Variants in PRSS23 observed in about 807,000 individuals in gnomAD.
The protein encoded by PRSS23 is protease, serine 23.
Under a neutral mutation model 34.7 loss-of-function variants are expected in PRSS23, and 25 were observed. That is an observed-to-expected ratio of 0.72 (90% CI 0.53 to 1.01). The LOEUF (loss-of-function observed/expected upper bound fraction) is 1.01. PRSS23 is among the 50% of genes least tolerant of loss of function. PRSS23 has a pLI of 0.00. For synonymous variants in PRSS23, 176 were observed against 186.6 expected (o/e 0.94, Z 0.46); for missense variants, 445 against 475.6 (o/e 0.94, Z 0.60).
At chr11:86,950,160 A>C (rs1157413145) in intron 2 of PRSS23, 3 of 152,686 alleles carry the variant, frequency 2.0e-5, no homozygotes, top group Non-Finnish European at 4.4e-5. Flanking sequence ...AAAGTTGCCA[A>C]GAAACTTAAC....
At chr11:86,807,599 C>G in intron 1 of PRSS23, 32 bp from the exon 2 acceptor site, 1 of 1,531,488 alleles carries the variant, frequency 6.5e-7, no homozygotes, top group Non-Finnish European at 8.8e-7. Flanking sequence ...TCAGCCCTTG[C>G]CCTCCTGACC....
At chr11:86,905,329 A>C (rs1208712523) in intron 2 of PRSS23, among the ~76,000 whole-genome samples, 1 of 152,198 alleles carries the variant, frequency 6.6e-6, no homozygotes, top group African/African-American at 2.4e-5. Context: ...TATGGGTTTT[A>C]AGCATGATAA....
intron 2 of PRSS23, among the ~76,000 whole-genome samples, chr11:86,893,897 TG>T (rs1948857887): frequency 6.6e-6 from 1 of 152,228 alleles, no homozygotes; most frequent in African/African-American, 2.4e-5. Flanking sequence ...TCAGGAATAC[TG>T]AAGTGAATTT....
upstream of PRSS23, among the ~76,000 whole-genome samples, chr11:86,799,315 C>T (rs1948003565): frequency 1.3e-5 from 2 of 152,198 alleles, no homozygotes; most frequent in African/African-American, 4.8e-5. Context: ...TAATTGCAAA[C>T]ACCAACGTAT....
At chr11:86,848,051 G>A (rs745445457) in intron 2 of PRSS23, among the ~76,000 whole-genome samples, 17 of 152,170 alleles carry the variant, frequency 1.1e-4, no homozygotes, top group South Asian at 2.1e-4. Context: ...CCAGGCACCC[G>A]AACTATGTCC....
At chr11:86,915,706 AT>A (rs1186575337) in intron 2 of PRSS23, among the ~76,000 whole-genome samples, 1 of 151,962 alleles carries the variant, frequency 6.6e-6, no homozygotes, top group Non-Finnish European at 1.5e-5. Context: ...GACCAACTAA[AT>A]TATAGAGCAA....
At chr11:86,896,798 A>G (rs983827841) in intron 2 of PRSS23, among the ~76,000 whole-genome samples, 18 of 152,368 alleles carry the variant, frequency 1.2e-4, no homozygotes, top group East Asian at 7.7e-4. Context: ...CAAAAGCCCA[A>G]TGGCTCAGAG....
intron 1 of PRSS23, among the ~76,000 whole-genome samples, chr11:86,805,098 G>A (rs75595128): frequency 0.013 from 1,996 of 152,252 alleles, 51 homozygotes; most frequent in African/African-American, 0.045. Context: ...AGAATGGTGC[G>A]TTGAAGCCCA....
At chr11:86,883,401 C>T (rs1341091156) in intron 2 of PRSS23, among the ~76,000 whole-genome samples, 1 of 152,182 alleles carries the variant, frequency 6.6e-6, no homozygotes, top group African/African-American at 2.4e-5. Context: ...GGAAAGGATT[C>T]CCTATTCAGT....
intron 1 of PRSS23, chr11:86,821,315 T>A: frequency 1.6e-6 from 1 of 643,336 alleles, no homozygotes; most frequent in Non-Finnish European, 2.6e-6. Context: ...ATGATGAAAA[T>A]AAACATGTGA....
At chr11:86,842,239 A>G (rs535171907) in intron 2 of PRSS23, among the ~76,000 whole-genome samples, 3 of 152,244 alleles carry the variant, frequency 2.0e-5, no homozygotes, top group South Asian at 2.1e-4. Context: ...ACAGACCTTC[A>G]TGCTAAAAAC....
chr11:86,865,258 A>G (rs61906690), intron 2 of PRSS23, among the ~76,000 whole-genome samples: 19,420 of 152,246 alleles, frequency 0.13, 1,458 homozygotes, highest in East Asian at 0.2. Flanking sequence ...CAGTTCTACT[A>G]TATGTGGTCT....
At chr11:86,821,541 T>C in intron 1 of PRSS23, 5 of 1,611,150 alleles carry the variant, frequency 3.1e-6, no homozygotes, top group East Asian at 2.2e-5. Flanking sequence ...TGAGTGCAAG[T>C]ATCTGGATGG....
chr11:86,925,295 AGTGTGTGTGTGTGT>A (rs5793226), intron 2 of PRSS23, among the ~76,000 whole-genome samples: 1 of 148,996 alleles, frequency 6.7e-6, no homozygotes, highest in African/African-American at 2.5e-5. Context: ...GTTTAACTGG[AGTGTGTGTGTGTGT>A]GTGTGTGTGT....
chr11:86,928,579 GCAGGAGA>G (rs1332469593), intron 2 of PRSS23, among the ~76,000 whole-genome samples: 1 of 145,510 alleles, frequency 6.9e-6, no homozygotes, highest in African/African-American at 2.5e-5. Flanking sequence ...GGAGGCTGAG[GCAGGAGA>G]ATGGCTTGAA....
chr11:86,846,756 G>T (rs11234827), intron 2 of PRSS23, among the ~76,000 whole-genome samples: 61,807 of 152,024 alleles, frequency 0.41, 12,875 homozygotes, highest in East Asian at 0.48. Context: ...AAGACTTAAA[G>T]TCTTGGGGTG....
chr11:86,912,221 G>C (rs1948982986), intron 2 of PRSS23: 1 of 152,068 alleles, frequency 6.6e-6, no homozygotes, highest in African/African-American at 2.4e-5. Flanking sequence ...TGTTGTCATT[G>C]TTGTTACTGT....
rs539243016 is a variant in PRSS23 at position 86,877,051 on chromosome 11, G to A, written c.206+53458G>A. On this transcript the variant is annotated intron_variant, in intron 2 of 2. Coordinates refer to the PRSS23 transcript ENST00000533902. ...ATCTCAATGAGCGAGGCACTTCATG[G>A]TGCACTGGGCCCACTGTGGCAACTG... is the stretch of plus-strand genomic sequence containing the variant. Among the ~76,000 whole-genome samples the A allele has an allele frequency of 7.9e-5, 12 of 152,308 alleles. No individual in the cohort carries two copies. In the South Asian group the frequency reaches 2.5e-3, roughly 32 times the overall value.
Position 86,823,456 on chromosome 11 carries a change from G to A in PRSS23, c.69G>A (p.Glu23=), listed in dbSNP as rs749679729. The change falls in exon 2 of 3, where the codon GAG becomes GAA. Residue 23 remains glutamate (E), a synonymous_variant. Transcript: ENST00000533902. Reference sequence around the variant, plus strand: ...ATGCCCCCACAACTGTGAAGCGAGAGGGCTCAACAGTTTCGAATTCAATTC... The same window carrying A: ...ATGCCCCCACAACTGTGAAGCGAGAAGGCTCAACAGTTTCGAATTCAATTC... 1.9e-5 allele frequency: 13 copies of A among 702,240 alleles called. No homozygotes were observed. The South Asian group carries it at 1.9e-4, about 10-fold the overall frequency. 43.5% of individuals were successfully genotyped at this position (702,240 alleles called of 1,614,324 possible). A position where few individuals can be genotyped will look rare whatever the true frequency, so the allele number is the denominator to read the frequency against.
Sources: gnomAD v4.1 joint callset for allele counts (sites outside exome capture counted in the v4.1 genomes callset) on GRCh38, gnomAD v4.1.1 for gene constraint, MANE v1.5 for transcripts, NCBI Gene and HGNC (gene_info 2026-07-23, HGNC 2026-07-21) for gene names.